The following CYP19A1 variants were observed in gnomAD, a reference collection of about 807,000 sequenced individuals.
The protein encoded by CYP19A1 is aromatase.
In CYP19A1, 32 loss-of-function variants were observed where a neutral mutation model predicts 44.4. The ratio of observed to expected loss-of-function variants is 0.72; its 90% CI spans 0.54 to 0.97. CYP19A1 has a LOEUF of 0.97. Ranked by LOEUF, CYP19A1 falls within the 50% of genes least tolerant of loss-of-function variation. The pLI, the probability that CYP19A1 is intolerant of heterozygous loss-of-function variation, is 0.00. For missense variants in CYP19A1, 598 were observed against 637.8 expected, an observed-to-expected ratio of 0.94 and a Z score of 0.67; for synonymous variants, 212 against 215.6, an observed-to-expected ratio of 0.98 and a Z score of 0.14.
intron 1 of CYP19A1, among the ~76,000 whole-genome samples, chr15:51,317,877 G>A (rs1221106487): frequency 2.0e-5 from 3 of 152,208 alleles, no homozygotes; most frequent in Non-Finnish European, 4.4e-5. Context: ...CTGACACTTG[G>A]TCCAGTGCTA....
chr15:51,321,709 C>G (rs1902585), intron 1 of CYP19A1: 85,921 of 152,148 alleles, frequency 0.56, 26,944 homozygotes, highest in African/African-American at 0.84. Context: ...GCCTAATCTG[C>G]ATCCTCCCAG....
intron 1 of CYP19A1, among the ~76,000 whole-genome samples, chr15:51,322,589 T>C (rs1215078186): frequency 6.6e-6 from 1 of 152,196 alleles, no homozygotes; most frequent in Non-Finnish European, 1.5e-5. Flanking sequence ...CTAGGCCCCT[T>C]TCAGTCATCA....
chr15:51,304,038 A>G (rs532325449), intron 1 of CYP19A1, among the ~76,000 whole-genome samples: 1 of 152,376 alleles, frequency 6.6e-6, no homozygotes, highest in East Asian at 1.9e-4. Context: ...AAAAAAGTTC[A>G]GAAAGATAAG....
chr15:51,252,503 T>C (rs1245956617), intron 1 of CYP19A1, among the ~76,000 whole-genome samples: 2 of 152,170 alleles, frequency 1.3e-5, no homozygotes, highest in African/African-American at 4.8e-5. Context: ...GACCCCAAAT[T>C]ACAGTTGATA....
rs1456727419 is a variant in CYP19A1, at chr15:51,222,328, TGA to T, written c.628+19_628+20del. The T allele has an allele frequency of 6.2e-7, 1 of 1,613,984 alleles. No homozygotes were observed. The highest frequency in any genetic ancestry group is 1.7e-5 in the Admixed American group (1 of 60,004). ...CAGTAAAGGACAGATGGTCAAGATG[TGA>T]GAGTGAAAATTTCAGTACCGTCCAA... is the stretch of plus-strand genomic sequence containing the variant. On this transcript the variant is annotated intron_variant, in intron 5 of 9. Transcript: ENST00000396402.
chr15:51,248,503 C>A (rs1197477621), intron 1 of CYP19A1, among the ~76,000 whole-genome samples: 1 of 152,206 alleles, frequency 6.6e-6, no homozygotes, highest in Non-Finnish European at 1.5e-5. Flanking sequence ...TAGGTAAAAT[C>A]ACTTATTTTT....
At chr15:51,285,434 G>A (rs1251064897) in intron 1 of CYP19A1, among the ~76,000 whole-genome samples, 1 of 152,222 alleles carries the variant, frequency 6.6e-6, no homozygotes, top group East Asian at 1.9e-4. Flanking sequence ...CACCTTTTAT[G>A]CTAGTAATAA....
At chr15:51,301,656 G>A (rs2036117406) in intron 1 of CYP19A1, among the ~76,000 whole-genome samples, 2 of 113,832 alleles carry the variant, frequency 1.8e-5, no homozygotes, top group Non-Finnish European at 3.2e-5. Flanking sequence ...GTCATCCTTT[G>A]ATTGACTAGA....
intron 4 of CYP19A1, 34 bp from the exon 5 acceptor site, chr15:51,222,559 G>A (rs753530452): frequency 3.9e-5 from 62 of 1,572,068 alleles, no homozygotes; most frequent in East Asian, 6.8e-5. Context: ...CAGCCATCAC[G>A]AACTCCAGGG....
chr15:51,296,159 C>CAGGCA (rs1379574742), intron 1 of CYP19A1, among the ~76,000 whole-genome samples: 1 of 151,848 alleles, frequency 6.6e-6, no homozygotes, highest in Non-Finnish European at 1.5e-5. Flanking sequence ...CAAGCAGAGG[C>CAGGCA]AGGCAAGTCA....
chr15:51,222,166 G>C, intron 5 of CYP19A1, 183 bp downstream of exon 5: 1 of 1,155,466 alleles, frequency 8.7e-7, no homozygotes, highest in Non-Finnish European at 1.2e-6. Flanking sequence ...CTACTTTATG[G>C]AAATTTATAT....
intron 1 of CYP19A1, among the ~76,000 whole-genome samples, chr15:51,250,130 C>T (rs922663695): frequency 6.6e-6 from 1 of 152,144 alleles, no homozygotes; most frequent in South Asian, 2.1e-4. Context: ...CCTGAAGGCA[C>T]CAATGGGAGA....
chr15:51,242,898 C>G lies in CYP19A1; in HGVS notation c.15G>C (p.Met5Ile). 1 of 1,611,428 alleles carries G rather than the reference C, an allele frequency of 6.2e-7. No homozygotes were observed. Among genetic ancestry groups the G allele is most frequent in the South Asian group, 1.1e-5 (1 of 91,024 alleles). The change falls in exon 2 of 10, where the codon ATG (methionine) becomes ATC (isoleucine). Residue 5 changes from methionine (M) to isoleucine (I), a missense_variant. By Grantham distance (10) the Met-to-Ile change is conservative. Coordinates refer to ENST00000396402, the MANE Select transcript of CYP19A1 (RefSeq NM_000103.4). The part of the protein sequence containing the change: MVLE[M>I]LNPIHYNITS... ...TGATGTTATAATGTATCGGGTTCAG[C>G]ATTTCCAAAACCATCTTGTGTTCCT...
chr15:51,216,270 G>C (rs1301099898), intron 6 of CYP19A1, among the ~76,000 whole-genome samples: 1 of 151,976 alleles, frequency 6.6e-6, no homozygotes, highest in Non-Finnish European at 1.5e-5. Context: ...TCTTTTAACT[G>C]AGACAAAGTC....
chr15:51,277,041 G>T (rs2035336915), intron 1 of CYP19A1: 1 of 149,308 alleles, frequency 6.7e-6, no homozygotes, highest in African/African-American at 2.6e-5. Flanking sequence ...GAGAGAAAGA[G>T]AAAGAAAGAA....
chr15:51,326,346 G>A (rs951234189), intron 1 of CYP19A1, among the ~76,000 whole-genome samples: 1 of 152,158 alleles, frequency 6.6e-6, no homozygotes, highest in African/African-American at 2.4e-5. Context: ...AAAATTGCAT[G>A]GGCTGCCTCA....
At chr15:51,324,456 T>C (rs2036576924) in intron 1 of CYP19A1, among the ~76,000 whole-genome samples, 1 of 152,218 alleles carries the variant, frequency 6.6e-6, no homozygotes, top group Admixed American at 6.5e-5. Flanking sequence ...AGAGGGGCCA[T>C]CACACTGATT....
At chr15:51,217,843 G>A (rs553368752) in intron 6 of CYP19A1, among the ~76,000 whole-genome samples, 4 of 152,238 alleles carry the variant, frequency 2.6e-5, no homozygotes, top group South Asian at 4.2e-4. Context: ...CAAAACAGGA[G>A]TTCCTGTTTC....
intron 2 of CYP19A1, among the ~76,000 whole-genome samples, chr15:51,242,469 A>G (rs1186468396): frequency 1.3e-5 from 2 of 152,100 alleles, no homozygotes; most frequent in Non-Finnish European, 2.9e-5. Flanking sequence ...CTGGAATTTT[A>G]CTTTACTCCA....
Sources: gnomAD v4.1 joint callset for allele counts (sites outside exome capture counted in the v4.1 genomes callset) on GRCh38, gnomAD v4.1.1 for gene constraint, MANE v1.5 for transcripts, NCBI Gene and HGNC (gene_info 2026-07-23, HGNC 2026-07-21) for gene names.